Variants in DENND5B observed in about 807,000 individuals in gnomAD.
DENND5B encodes the protein DENN domain containing 5B.
In DENND5B, 34 loss-of-function variants were observed where a neutral mutation model predicts 140.6. The observed-to-expected ratio is 0.24, with a 90% confidence interval of 0.18 to 0.32. The LOEUF (loss-of-function observed/expected upper bound fraction) is 0.32. Ranked by LOEUF, DENND5B falls within the 10% of genes least tolerant of loss-of-function variation. DENND5B has a pLI of 1.00. For missense variants in DENND5B, 1,142 were observed against 1,560.2 expected, an observed-to-expected ratio of 0.73 and a Z score of 4.52; for synonymous variants, 551 against 562.1, an observed-to-expected ratio of 0.98 and a Z score of 0.28.
intron 1 of DENND5B, among the ~76,000 whole-genome samples, chr12:31,523,060 CTTTTTTTTTTTTTTTA>C (rs1947958029): frequency 7.2e-6 from 1 of 139,434 alleles, no homozygotes; most frequent in African/African-American, 2.6e-5. Flanking sequence ...TTTTTTTTTC[CTTTTTTTTTTTTTTTA>C]AAGAAAAAGC....
intron 1 of DENND5B, among the ~76,000 whole-genome samples, chr12:31,557,221 G>C: frequency 6.6e-6 from 1 of 152,108 alleles, no homozygotes; most frequent in East Asian, 1.9e-4. Context: ...TACAGGCATA[G>C]AGAGTAGAGA....
chr12:31,456,900 G>C (rs1169830653), intron 4 of DENND5B, among the ~76,000 whole-genome samples: 2 of 152,124 alleles, frequency 1.3e-5, no homozygotes, highest in African/African-American at 4.8e-5. Flanking sequence ...GCAATGTAGT[G>C]AGACTCCATC....
chr12:31,442,547 A>G (rs539617330), intron 7 of DENND5B, among the ~76,000 whole-genome samples: 1 of 152,218 alleles, frequency 6.6e-6, no homozygotes, highest in Non-Finnish European at 1.5e-5. Context: ...TGCTTGAAAA[A>G]GAAAAAAAAA....
chr12:31,455,914 G>A (rs1187564788), intron 4 of DENND5B, among the ~76,000 whole-genome samples: 1 of 152,192 alleles, frequency 6.6e-6, no homozygotes, highest in Non-Finnish European at 1.5e-5. Context: ...AGCTAGTTGA[G>A]AGGTTGAGGC....
rs1941191010 is a variant in DENND5B at position 31,392,333 on chromosome 12, C to T, written c.3400G>A (p.Val1134Ile). The change falls in exon 19 of 21, where the codon GTT (valine) becomes ATT (isoleucine). Residue 1134 changes from valine (V) to isoleucine (I), a missense_variant. Around this residue, in one of 5 missense-constraint regions of DENND5B, gnomAD observed 125 missense variants for 179.0 expected, o/e 0.70. Transcript: ENST00000389082. ...GCAGATTTGAACCCATGGTGGAAAA[C>T]TTGCTCAAGGGCTGCAACCAGGCCA... ...ENGLVAALEQVFHHGFKSARI... is the reference protein window; with the variant it reads ...ENGLVAALEQIFHHGFKSARI... 1 of 1,613,754 alleles carries T rather than the reference C, an allele frequency of 6.2e-7. No individual in the cohort carries two copies. Among genetic ancestry groups the T allele is most frequent in the Non-Finnish European group, 8.5e-7 (1 of 1,179,858 alleles).
intron 1 of DENND5B, among the ~76,000 whole-genome samples, chr12:31,577,869 A>C (rs1950070516): frequency 6.6e-6 from 1 of 152,064 alleles, no homozygotes; most frequent in Non-Finnish European, 1.5e-5. Context: ...CACGCCTGTA[A>C]ACCTAAGCAC....
intron 1 of DENND5B, among the ~76,000 whole-genome samples, chr12:31,529,069 G>C (rs1948188068): frequency 6.6e-6 from 1 of 151,616 alleles, no homozygotes; most frequent in South Asian, 2.1e-4. Context: ...AGCTAAGGTA[G>C]GGTGAATTGC....
chr12:31,419,330 T>C (rs1038879489), intron 11 of DENND5B, among the ~76,000 whole-genome samples: 2 of 152,292 alleles, frequency 1.3e-5, no homozygotes, highest in African/African-American at 4.8e-5. Context: ...ATGCCTGTAA[T>C]TCCAGTTACT....
chr12:31,535,924 G>T (rs1472153169), intron 1 of DENND5B, among the ~76,000 whole-genome samples: 1 of 152,178 alleles, frequency 6.6e-6, no homozygotes, highest in Non-Finnish European at 1.5e-5. Context: ...GGCCTGGTGG[G>T]AGGCGACTGG....
intron 4 of DENND5B, among the ~76,000 whole-genome samples, chr12:31,456,051 C>G (rs572875395): frequency 1.5e-5 from 2 of 137,690 alleles, no homozygotes; most frequent in Non-Finnish European, 3.2e-5. Flanking sequence ...CAAAAGTGGC[C>G]GGGCACAGTG....
intron 15 of DENND5B, among the ~76,000 whole-genome samples, chr12:31,400,304 C>T (rs1941722925): frequency 6.6e-6 from 1 of 151,934 alleles, no homozygotes; most frequent in South Asian, 2.1e-4. Flanking sequence ...TTTTCTGTTC[C>T]AATAAGATAC....
rs1311222776 is a variant in DENND5B at position 31,534,156 on chromosome 12, G to GT, written c.128-38238dup. On this transcript the variant is annotated intron_variant, in intron 1 of 20. Coordinates refer to ENST00000389082, the MANE Select transcript of DENND5B (RefSeq NM_144973.4). ...TCAGTTTCTGTTCAACTTGTGTCAA[G>GT]TTTTTTTTTTGTCGGTTTTTTGAGG... is the stretch of plus-strand genomic sequence containing the variant. Among the ~76,000 whole-genome samples, 881 of 147,764 alleles carry GT rather than the reference G, an allele frequency of 6.0e-3. 7 individuals are homozygous for GT. Among genetic ancestry groups the GT allele is most frequent in the Middle Eastern group, 0.018 (5 of 280 alleles).
intron 1 of DENND5B, among the ~76,000 whole-genome samples, chr12:31,589,299 T>C (rs890229518): frequency 6.6e-6 from 1 of 152,216 alleles, no homozygotes; most frequent in African/African-American, 2.4e-5. Flanking sequence ...AAAGCCATTC[T>C]TAACATGTAC....
chr12:31,424,917 A>C (rs1458093409), intron 9 of DENND5B, among the ~76,000 whole-genome samples: 1 of 152,222 alleles, frequency 6.6e-6, no homozygotes, highest in Non-Finnish European at 1.5e-5. Flanking sequence ...AGAATATAAG[A>C]TAATATTTGT....
intron 19 of DENND5B, among the ~76,000 whole-genome samples, chr12:31,391,389 C>T (rs933592454): frequency 2.0e-5 from 3 of 152,184 alleles, no homozygotes; most frequent in African/African-American, 7.2e-5. Context: ...GACCACTCCC[C>T]ACTTTATTTC....
intron 1 of DENND5B, among the ~76,000 whole-genome samples, chr12:31,502,974 T>C (rs886299849): frequency 2.6e-5 from 4 of 152,160 alleles, no homozygotes; most frequent in African/African-American, 4.8e-5. Flanking sequence ...CATGGATAGA[T>C]AGCTGAAAGA....
chr12:31,499,697 A>C (rs1402725868), intron 1 of DENND5B: 2 of 1,430,314 alleles, frequency 1.4e-6, no homozygotes, highest in African/African-American at 1.5e-5. Context: ...GAAACAAAAA[A>C]GCTTTATGAA....
intron 1 of DENND5B, among the ~76,000 whole-genome samples, chr12:31,536,233 T>C (rs1450744076): frequency 6.6e-6 from 1 of 152,098 alleles, no homozygotes; most frequent in Non-Finnish European, 1.5e-5. Flanking sequence ...TCTCAGATAT[T>C]TATAGCAATG....
intron 11 of DENND5B, among the ~76,000 whole-genome samples, chr12:31,418,282 C>CTTTTTTTTTTTTTT (rs66507414): frequency 7.5e-6 from 1 of 133,066 alleles, no homozygotes; most frequent in Non-Finnish European, 1.6e-5. Flanking sequence ...TTTTTCTTTT[C>CTTTTTTTTTTTTTT]TTTTTTTTTT....
Sources: allele counts gnomAD v4.1 joint callset (sites outside exome capture counted in the v4.1 genomes callset), GRCh38; gene constraint gnomAD v4.1.1; regional missense constraint gnomAD v4.1.1; transcripts MANE v1.5; gene names NCBI Gene and HGNC (gene_info 2026-07-23, HGNC 2026-07-21).